The following GRID2 variants were observed in gnomAD, a reference collection of about 807,000 sequenced individuals.
The protein encoded by GRID2 is glutamate receptor ionotropic, delta-2.
In GRID2, 33 loss-of-function variants were observed where a neutral mutation model predicts 114.8. That is an observed-to-expected ratio of 0.29 (90% confidence interval 0.22 to 0.38). The LOEUF is 0.38. Ranked by LOEUF, GRID2 falls within the 10% of genes least tolerant of loss-of-function variation. The pLI is 1.00. For missense variants in GRID2, 1,184 were observed against 1,257.7 expected, an observed-to-expected ratio of 0.94 and a Z score of 0.89; for synonymous variants, 505 against 449.9, an observed-to-expected ratio of 1.12 and a Z score of -1.55.
rs190887922 is a variant in GRID2, at chr4:92,983,220, A to G, written c.245-101775A>G. On this transcript the variant is annotated intron_variant, in intron 2 of 15. Transcript: ENST00000282020. The stretch of plus-strand genomic sequence containing the variant: ...GATGGGTAATTAATCATGAACAGAA[A>G]TTTATTTCCTACGTTTGCTCTTGGA... 1.1e-4 allele frequency among the ~76,000 whole-genome samples: 16 copies of G among 152,200 alleles called. No homozygotes were observed. The East Asian group carries it at 3.1e-3, about 29-fold the overall frequency.
chr4:92,461,130 A>G (rs1271774488), intron 1 of GRID2, among the ~76,000 whole-genome samples: 2 of 151,754 alleles, frequency 1.3e-5, no homozygotes, highest in Non-Finnish European at 2.9e-5. Context: ...TTAACTGAGT[A>G]ATGAAAGAAT....
At chr4:93,257,333 A>T (rs1251156921) in intron 8 of GRID2, among the ~76,000 whole-genome samples, 2 of 151,824 alleles carry the variant, frequency 1.3e-5, no homozygotes, top group Non-Finnish European at 3.0e-5. Context: ...TAGCCCTGTT[A>T]CATTGTAAAG....
In GRID2 at chr4:93,056,080, T is replaced by C. The variant is rs77754968; in HGVS notation, c.245-28915T>C. ...TTTCTGTGTGTTGCAGTGACATCTT[T>C]ATCTCTTAGAGCAGTTTGGAAACCT... On this transcript the variant is annotated intron_variant, in intron 2 of 15. Coordinates refer to ENST00000282020, the MANE Select transcript of GRID2 (RefSeq NM_001510.4). 5.6e-3 allele frequency among the ~76,000 whole-genome samples: 847 copies of C among 152,090 alleles called. 7 individuals are homozygous for C. Among genetic ancestry groups the C allele is most frequent in the African/African-American group, 0.02 (812 of 41,532 alleles).
chr4:92,535,793 C>A (rs1037926159), intron 1 of GRID2, among the ~76,000 whole-genome samples: 6 of 152,148 alleles, frequency 3.9e-5, no homozygotes, highest in African/African-American at 1.4e-4. Context: ...TGTTACAGTT[C>A]TTAAAGATGG....
At chr4:92,832,487 G>A (rs1228624894) in intron 2 of GRID2, among the ~76,000 whole-genome samples, 9 of 149,476 alleles carry the variant, frequency 6.0e-5, no homozygotes, top group Non-Finnish European at 8.9e-5. Flanking sequence ...TCCGCCTCCC[G>A]GGTTCAAGCT....
chr4:93,191,277 G>T (rs1740955359), intron 4 of GRID2, among the ~76,000 whole-genome samples: 1 of 151,978 alleles, frequency 6.6e-6, no homozygotes, highest in Non-Finnish European at 1.5e-5. Flanking sequence ...CCATGTTAAA[G>T]GATCAGTTGG....
chr4:93,806,135 G>A (rs1348977348), intron 1 of GRID2, among the ~76,000 whole-genome samples: 1 of 152,072 alleles, frequency 6.6e-6, no homozygotes, highest in East Asian at 1.9e-4. Context: ...TATTCATATG[G>A]GTAGGCTAAA....
At chr4:93,091,512 A>G (rs975580439) in intron 3 of GRID2, among the ~76,000 whole-genome samples, 4 of 152,210 alleles carry the variant, frequency 2.6e-5, no homozygotes, top group Middle Eastern at 3.4e-3. Context: ...TATCATTAAC[A>G]TCTGTCCTTT....
chr4:92,508,082 A>G (rs1724064137), intron 1 of GRID2, among the ~76,000 whole-genome samples: 1 of 151,926 alleles, frequency 6.6e-6, no homozygotes, highest in African/African-American at 2.4e-5. Flanking sequence ...GAAGGTCCTT[A>G]TGTTTCTGAA....
chr4:92,380,220 T>G (rs1443548540), intron 1 of GRID2, among the ~76,000 whole-genome samples: 2 of 151,854 alleles, frequency 1.3e-5, no homozygotes. Context: ...GATTTTTTTG[T>G]GTAATGATAT....
intron 1 of GRID2, among the ~76,000 whole-genome samples, chr4:92,338,105 G>C (rs558879066): frequency 1.3e-5 from 2 of 152,052 alleles, no homozygotes; most frequent in African/African-American, 2.4e-5. Context: ...TTAAGCCTTG[G>C]GACATGGTAG....
intron 10 of GRID2, among the ~76,000 whole-genome samples, chr4:93,429,115 C>G (rs1282951561): frequency 3.3e-5 from 5 of 152,206 alleles, no homozygotes; most frequent in African/African-American, 4.8e-5. Context: ...ACTGCTGCTG[C>G]AGCCACTGAA....
chr4:92,514,856 A>G (rs1724427181), intron 1 of GRID2, among the ~76,000 whole-genome samples: 1 of 151,792 alleles, frequency 6.6e-6, no homozygotes, highest in African/African-American at 2.4e-5. Flanking sequence ...AAGTTACCCC[A>G]TGCCTGCAGC....
In GRID2 at chr4:93,741,174, C is replaced by CATATATATATATATAT. The variant is rs376106965; in HGVS notation, c.2361-28025_2361-28010dup. ...ACCTGAGAAACTATATATATATATA[C>CATATATATATATATAT]ATATATATATATATATATATATATA... On this transcript the variant is annotated intron_variant, in intron 14 of 15. Transcript: ENST00000282020. Among the ~76,000 whole-genome samples, 235 of 41,104 alleles carry CATATATATATATATAT rather than the reference C, an allele frequency of 5.7e-3. 11 individuals are homozygous for CATATATATATATATAT. Among genetic ancestry groups the CATATATATATATATAT allele is most frequent in the Middle Eastern group, 0.037 (2 of 54 alleles). 27.0% of individuals were successfully genotyped at this position (41,104 alleles called of 152,430 possible).
At chr4:93,047,246 T>C (rs1476553764) in intron 2 of GRID2, among the ~76,000 whole-genome samples, 1 of 151,756 alleles carries the variant, frequency 6.6e-6, no homozygotes, top group Non-Finnish European at 1.5e-5. Context: ...CTAAATGGAG[T>C]ATGGTAGCCT....
Position 92,921,955 on chromosome 4 carries a change from C to G in GRID2, c.245-163040C>G, listed in dbSNP as rs550060144. Among the ~76,000 whole-genome samples the G allele has an allele frequency of 3.3e-5, 5 of 152,316 alleles. No homozygotes were observed. The South Asian group carries it at 8.3e-4, about 25-fold the overall frequency. ...GCCCTGCCCCCAGAGGTGGAGTCTA[C>G]AGAGGCAGGCCGGCCTCCTTGAGCT... On this transcript the variant is annotated intron_variant, in intron 2 of 15. Transcript: ENST00000282020.
intron 10 of GRID2, among the ~76,000 whole-genome samples, chr4:93,451,946 G>A (rs1449867903): frequency 6.6e-6 from 1 of 152,122 alleles, no homozygotes; most frequent in African/African-American, 2.4e-5. Context: ...GTATTTTTAA[G>A]TCATTTAGTA....
rs117308770 is a variant in GRID2, at chr4:92,804,064, A to G, written c.244+213778A>G. On this transcript the variant is annotated intron_variant, in intron 2 of 15. Transcript: ENST00000282020. Reference sequence around the variant, plus strand: ...CCAGACTTCCTTCTGTGTCTGTGTCATTACATCGTATTCTTTTTGTGTGTA... The same window carrying G: ...CCAGACTTCCTTCTGTGTCTGTGTCGTTACATCGTATTCTTTTTGTGTGTA... Among the ~76,000 whole-genome samples, 283 of 152,042 alleles carry G rather than the reference A, an allele frequency of 1.9e-3. No individual in the cohort carries two copies. In the East Asian group the frequency reaches 0.019, roughly 10 times the overall value.
At chr4:93,445,590 A>G (rs1722021739) in intron 10 of GRID2, among the ~76,000 whole-genome samples, 2 of 151,964 alleles carry the variant, frequency 1.3e-5, no homozygotes, top group South Asian at 2.1e-4. Context: ...TGTTCAGCTA[A>G]ATACACTAAC....
Sources: gnomAD v4.1 joint callset for allele counts (sites outside exome capture counted in the v4.1 genomes callset) on GRCh38, gnomAD v4.1.1 for gene constraint, MANE v1.5 for transcripts, NCBI Gene and HGNC (gene_info 2026-07-23, HGNC 2026-07-21) for gene names.